OARD1: variants seen among roughly 807,000 people sequenced by gnomAD.
OARD1 encodes ADP-ribose glycohydrolase OARD1.
In OARD1, 19 loss-of-function variants were observed where a neutral mutation model predicts 19.7. The observed-to-expected ratio is 0.96, with a 90% CI of 0.67 to 1.41. OARD1 has a LOEUF of 1.41. OARD1 is among the 40% of genes most tolerant of loss of function. The probability of loss-of-function intolerance (pLI) is 0.00; values close to 1 mark genes in which losing one functional copy is unlikely to be tolerated. For synonymous variants in OARD1, 70 were observed against 61.8 expected (o/e 1.13, Z -0.62); for missense variants, 190 against 183.8 (o/e 1.03, Z -0.20).
At chr6:41,096,921 T>C (rs1483877903) in intron 1 of OARD1, among the ~76,000 whole-genome samples, 1 of 152,180 alleles carries the variant, frequency 6.6e-6, no homozygotes, top group Non-Finnish European at 1.5e-5. Context: ...TACATTAAAG[T>C]GTATAGATTC....
rs1763834545 is a variant in OARD1, at chr6:41,079,085, G to A, written c.-41-7410C>T. ...GAGTGGACAGGAATCTCACTTGGAGGGACCATGGAGCAGTATACAGCAAAC... is the reference window on the plus strand; with the variant it reads ...GAGTGGACAGGAATCTCACTTGGAGAGACCATGGAGCAGTATACAGCAAAC... On this transcript the variant is annotated intron_variant, in intron 1 of 4. Coordinates refer to the OARD1 transcript ENST00000480585. The A allele has an allele frequency of 1.9e-6, 3 of 1,613,764 alleles. No homozygotes were observed. In the African/African-American group the frequency reaches 4.0e-5, roughly 22 times the overall value.
At chr6:41,082,072 A>T (rs1462066091) in intron 1 of OARD1, among the ~76,000 whole-genome samples, 6 of 152,186 alleles carry the variant, frequency 3.9e-5, no homozygotes, top group Non-Finnish European at 8.8e-5. Flanking sequence ...ATTAGAAATG[A>T]TTCAAAGTAG....
upstream of OARD1, chr6:41,072,374 G>A (rs1183713379): frequency 6.6e-6 from 1 of 152,396 alleles, no homozygotes; most frequent in Non-Finnish European, 1.5e-5. Context: ...CCGCCCCGCG[G>A]GGAAGGGCTC....
chr6:41,079,199 A>G lies in OARD1; in HGVS notation c.-41-7524T>C, dbSNP rs530925677. On this transcript the variant is annotated intron_variant, in intron 1 of 4. Coordinates refer to the OARD1 transcript ENST00000480585. ...CAAAACTGCTTTAAACATTACAGCA[A>G]TGAAACTGATAACAGCACCACTCAA... 5.1e-6 allele frequency: 8 copies of G among 1,579,746 alleles called. No individual in the cohort carries two copies. In the South Asian group the frequency reaches 5.5e-5, roughly 11 times the overall value.
At chr6:41,091,444 A>T in intron 1 of OARD1, 1 of 1,379,382 alleles carries the variant, frequency 7.2e-7, no homozygotes, top group Non-Finnish European at 1.0e-6. Flanking sequence ...AGTGTATACC[A>T]GATAGAAGAG....
At chr6:41,081,565 G>C (rs1240183973) in intron 1 of OARD1, among the ~76,000 whole-genome samples, 1 of 151,892 alleles carries the variant, frequency 6.6e-6, no homozygotes, top group Non-Finnish European at 1.5e-5. Context: ...TTGTGTATTT[G>C]TGTTACAATG....
At chr6:41,083,044 G>A (rs572665411) in intron 1 of OARD1, among the ~76,000 whole-genome samples, 1 of 152,302 alleles carries the variant, frequency 6.6e-6, no homozygotes, top group Non-Finnish European at 1.5e-5. Flanking sequence ...CATTAAGTGT[G>A]AATATTTCAG....
intron 1 of OARD1, chr6:41,093,058 A>C (rs1448022395): frequency 3.1e-6 from 5 of 1,614,082 alleles, no homozygotes; most frequent in African/African-American, 1.3e-5. Flanking sequence ...AACTAGAGGC[A>C]GAAGGGAAAA....
At chr6:41,072,407 G>T (rs1210876044), upstream of OARD1, 1 of 152,362 alleles carries the variant, frequency 6.6e-6, no homozygotes, top group African/African-American at 2.4e-5. Context: ...TGGTAGGTGG[G>T]GAGCAGCGGA....
chr6:41,092,608 C>G (rs917532465), intron 1 of OARD1, among the ~76,000 whole-genome samples: 1 of 152,034 alleles, frequency 6.6e-6, no homozygotes, highest in Non-Finnish European at 1.5e-5. Flanking sequence ...TGTCTTATGA[C>G]TACTGTTCCT....
intron 1 of OARD1, chr6:41,084,233 G>A: frequency 6.3e-7 from 1 of 1,597,042 alleles, no homozygotes; most frequent in East Asian, 2.3e-5. Context: ...TATCAGAGGA[G>A]AGGTTTCAAA....
At chr6:41,074,969 A>G (rs1763694152), upstream of OARD1, among the ~76,000 whole-genome samples, 1 of 151,500 alleles carries the variant, frequency 6.6e-6, no homozygotes, top group Non-Finnish European at 1.5e-5. Flanking sequence ...ATTCACATTT[A>G]ATGTTATACA....
In OARD1 at chr6:41,082,982, C is replaced by T. The variant is rs75827529; in HGVS notation, c.-41-11307G>A. 5.7e-3 allele frequency among the ~76,000 whole-genome samples: 874 copies of T among 152,294 alleles called. 12 individuals are homozygous for T. The South Asian group carries it at 0.058, about 10-fold the overall frequency. ...GGAGGACCTTACTATCTAACCTACTCATCTAGGACAGAATGATCTGTTAAC... is the reference window on the plus strand; with the variant it reads ...GGAGGACCTTACTATCTAACCTACTTATCTAGGACAGAATGATCTGTTAAC... On this transcript the variant is annotated intron_variant, in intron 1 of 4. Transcript: ENST00000480585.
intron 1 of OARD1, among the ~76,000 whole-genome samples, chr6:41,096,927 G>T (rs769262983): frequency 6.6e-6 from 1 of 152,194 alleles, no homozygotes; most frequent in Non-Finnish European, 1.5e-5. Flanking sequence ...AAAGTGTATA[G>T]ATTCTAATGA....
chr6:41,091,516 G>C (rs765724500), intron 1 of OARD1: 1 of 1,612,126 alleles, frequency 6.2e-7, no homozygotes, highest in Non-Finnish European at 8.5e-7. Flanking sequence ...TTTATGTTTT[G>C]TTTTCTTAAA....
chr6:41,090,691 T>A (rs556772574), intron 1 of OARD1, among the ~76,000 whole-genome samples: 2 of 152,356 alleles, frequency 1.3e-5, no homozygotes, highest in Admixed American at 1.3e-4. Flanking sequence ...TTTAAATGAC[T>A]ATTATGTATA....
chr6:41,093,537 C>G (rs1024468202), intron 1 of OARD1, among the ~76,000 whole-genome samples: 5 of 151,788 alleles, frequency 3.3e-5, no homozygotes, highest in Admixed American at 2.0e-4. Flanking sequence ...GTGGCACAAT[C>G]TCAGCTCACT....
chr6:41,091,446 A>C, intron 1 of OARD1: 1 of 1,407,990 alleles, frequency 7.1e-7, no homozygotes, highest in Non-Finnish European at 9.7e-7. Context: ...TGTATACCAG[A>C]TAGAAGAGGG....
intron 1 of OARD1, among the ~76,000 whole-genome samples, chr6:41,095,127 T>C (rs907003100): frequency 1.3e-5 from 2 of 152,190 alleles, no homozygotes; most frequent in Middle Eastern, 3.2e-3. Flanking sequence ...TTTTAAAATG[T>C]TTATCCTATC....
Sources: gnomAD v4.1 joint callset for allele counts (sites outside exome capture counted in the v4.1 genomes callset) on GRCh38, gnomAD v4.1.1 for gene constraint, MANE v1.5 for transcripts, NCBI Gene and HGNC (gene_info 2026-07-23, HGNC 2026-07-21) for gene names.